Variants in LAMA4 observed in about 807,000 individuals in gnomAD.
The protein encoded by LAMA4 is laminin subunit alpha 4, also known as laminin subunit alpha-4.
LAMA4 carries 127 observed loss-of-function variants against 207.1 expected under a neutral mutation model. That is an observed-to-expected ratio of 0.61 (90% CI 0.53 to 0.71). LAMA4 has a LOEUF of 0.71. Ranked by LOEUF, LAMA4 falls within the 30% of genes least tolerant of loss-of-function variation. The pLI is 0.00. For synonymous variants in LAMA4, 761 were observed against 816.0 expected, an observed-to-expected ratio of 0.93 and a Z score of 1.15; for missense variants, 2,093 against 2,246.5, an observed-to-expected ratio of 0.93 and a Z score of 1.38.
chr6:112,112,158 C>T (rs111273366), intron 38 of LAMA4, among the ~76,000 whole-genome samples: 148 of 151,916 alleles, frequency 9.7e-4, no homozygotes, highest in African/African-American at 3.5e-3. Context: ...TGTATACATC[C>T]TAGGGGGAAA....
At chr6:112,124,151 T>C (rs587745341) in intron 31 of LAMA4, among the ~76,000 whole-genome samples, 1 of 152,296 alleles carries the variant, frequency 6.6e-6, no homozygotes, top group African/African-American at 2.4e-5. Flanking sequence ...GGGCCTGTAG[T>C]GAGGGTGAGA....
At chr6:112,133,749 A>C (rs1290324325) in intron 26 of LAMA4, among the ~76,000 whole-genome samples, 1 of 152,222 alleles carries the variant, frequency 6.6e-6, no homozygotes, top group Admixed American at 6.5e-5. Context: ...ATAACAATTC[A>C]GTGAAATAGA....
intron 5 of LAMA4, chr6:112,200,185 A>C (rs4947176): frequency 0.36 from 192,554 of 532,178 alleles, 36,566 homozygotes; most frequent in African/African-American, 0.43. Context: ...CCTTTCTTAC[A>C]TGAGCAAAGC....
intron 29 of LAMA4, 179 bp from the exon 30 acceptor site, chr6:112,130,219 G>A (rs1778949995): frequency 3.4e-6 from 2 of 593,672 alleles, no homozygotes; most frequent in Non-Finnish European, 6.0e-6. Context: ...ATTTCTATAT[G>A]CAAAAAAGAT....
intron 2 of LAMA4, among the ~76,000 whole-genome samples, chr6:112,239,791 C>T (rs1011042840): frequency 2.6e-5 from 4 of 152,022 alleles, no homozygotes; most frequent in Admixed American, 1.3e-4. Context: ...AGGCCGGGTG[C>T]GGTGGCTCAT....
rs116454252 is a variant in LAMA4, at chr6:112,131,359, G to A, written c.3835-258C>T. Among the ~76,000 whole-genome samples, 2,619 of 152,090 alleles carry A rather than the reference G, an allele frequency of 0.017. 57 individuals are homozygous for A. The highest frequency in any genetic ancestry group is 0.058 in the African/African-American group (2,395 of 41,484). On this transcript the variant is annotated intron_variant, in intron 28 of 38. Transcript: ENST00000230538. ...AATTTTTGATGACTTTGTTATGCTG[G>A]GAGTTGTCAACCCAGTCTCAGTTAC...
At chr6:112,149,539 G>A (rs1780248833) in intron 17 of LAMA4, among the ~76,000 whole-genome samples, 1 of 152,122 alleles carries the variant, frequency 6.6e-6, no homozygotes, top group Non-Finnish European at 1.5e-5. Context: ...CCTTTGCTCA[G>A]CAATCATTCT....
At chr6:112,188,472 A>C (rs1782824671) in intron 7 of LAMA4, among the ~76,000 whole-genome samples, 1 of 152,194 alleles carries the variant, frequency 6.6e-6, no homozygotes. Context: ...TCCAATGGTA[A>C]GGTTAATCTC....
chr6:112,137,718 A>C (rs1779438069), intron 24 of LAMA4, among the ~76,000 whole-genome samples: 1 of 152,236 alleles, frequency 6.6e-6, no homozygotes, highest in Admixed American at 6.5e-5. Flanking sequence ...ATGTGAAAAC[A>C]TTTTGAGACA....
Position 112,175,448 on chromosome 6 carries a change from C to T in LAMA4, c.1222G>A (p.Glu408Lys). ...INNKMLYYGE[E>K]HELSPKEISE... ...ATTTCCTTGGGGCTAAGTTCATGCT[C>T]TTCCCCATAATAGAGCATCTTGTTG... The change falls in exon 11 of 39, where the codon GAG (glutamate) becomes AAG (lysine). Residue 408 changes from glutamate (E) to lysine (K), a missense_variant. Physicochemically the swap from Glu to Lys is moderately conservative, Grantham distance 56. Coordinates refer to ENST00000230538, the MANE Select transcript of LAMA4 (RefSeq NM_001105206.3). 6.2e-7 allele frequency: 1 copy of T among 1,614,192 alleles called. No individual in the cohort carries two copies. The highest frequency in any genetic ancestry group is 8.5e-7 in the Non-Finnish European group (1 of 1,180,026).
At chr6:112,137,314 C>T (rs868981427) in intron 24 of LAMA4, among the ~76,000 whole-genome samples, 1 of 151,972 alleles carries the variant, frequency 6.6e-6, no homozygotes, top group Admixed American at 6.6e-5. Context: ...TGGAAAGCAG[C>T]CTACTGGAGT....
intron 9 of LAMA4, among the ~76,000 whole-genome samples, chr6:112,183,448 G>T (rs1188338084): frequency 6.6e-6 from 1 of 152,092 alleles, no homozygotes; most frequent in Non-Finnish European, 1.5e-5. Context: ...CTGTGTTGGT[G>T]GTCTGCCCTT....
Position 112,187,477 on chromosome 6 carries a change from T to C in LAMA4, c.939A>G (p.Glu313=), listed in dbSNP as rs781882376. The stretch of plus-strand genomic sequence containing the variant: ...TGAGGAGGTAGATGGTGGCGTTGAT[T>C]TCATTCACGTGCCTATGAGCGGCGG... ...SGAAAHRHVN[E]INATIYLLKT... is the part of the protein sequence containing the mutation. The change falls in exon 8 of 39, where the codon GAA becomes GAG. Residue 313 remains glutamate (E), a synonymous_variant. Coordinates refer to ENST00000230538, the MANE Select transcript of LAMA4 (RefSeq NM_001105206.3). 1.2e-6 allele frequency: 2 copies of C among 1,614,092 alleles called. No individual in the cohort carries two copies. The highest frequency in any genetic ancestry group is 3.3e-5 in the Admixed American group (2 of 60,014).
At chr6:112,234,452 T>C (rs1785758746) in intron 2 of LAMA4, 1 of 152,186 alleles carries the variant, frequency 6.6e-6, no homozygotes, top group African/African-American at 2.4e-5. Flanking sequence ...CATTTTAGTA[T>C]ATTTTTTCTT....
chr6:112,215,587 G>A (rs1203573730), intron 3 of LAMA4, among the ~76,000 whole-genome samples: 3 of 152,188 alleles, frequency 2.0e-5, no homozygotes, highest in Admixed American at 2.0e-4. Flanking sequence ...GCTCACGAAG[G>A]AAAACATGCT....
chr6:112,186,732 T>C, intron 8 of LAMA4: 1 of 448,118 alleles, frequency 2.2e-6, no homozygotes, highest in South Asian at 1.6e-5. Context: ...ACTGTATTTT[T>C]CTTTTTTAAT....
At chr6:112,226,089 T>C (rs1355988584) in intron 2 of LAMA4, among the ~76,000 whole-genome samples, 1 of 152,178 alleles carries the variant, frequency 6.6e-6, no homozygotes, top group African/African-American at 2.4e-5. Context: ...AATACCACTA[T>C]TTAGTTCAGG....
chr6:112,213,936 C>T (rs2115049809), intron 3 of LAMA4: 2 of 624,190 alleles, frequency 3.2e-6, no homozygotes, highest in Admixed American at 5.0e-5. Flanking sequence ...CCTGCAAGAA[C>T]TGACTGAAAC....
At chr6:112,222,004 GC>G (rs1784951295) in intron 2 of LAMA4, among the ~76,000 whole-genome samples, 1 of 152,168 alleles carries the variant, frequency 6.6e-6, no homozygotes, top group South Asian at 2.1e-4. Context: ...CTGAATTTAA[GC>G]TTTTGCTAAC....
Sources: gnomAD v4.1 joint callset for allele counts (sites outside exome capture counted in the v4.1 genomes callset) on GRCh38, gnomAD v4.1.1 for gene constraint, MANE v1.5 for transcripts, NCBI Gene and HGNC (gene_info 2026-07-23, HGNC 2026-07-21) for gene names.